TENM2: variants seen among roughly 807,000 people sequenced by gnomAD.
TENM2 encodes the protein teneurin transmembrane protein 2.
Under a neutral mutation model 245.2 loss-of-function variants are expected in TENM2, and 52 were observed. The observed-to-expected ratio is 0.21, with a 90% CI of 0.17 to 0.27. The LOEUF (loss-of-function observed/expected upper bound fraction) is 0.27, where lower values mean the gene tolerates loss of function less well. TENM2 is among the 10% of genes least tolerant of loss of function. TENM2 has a pLI of 1.00. For missense variants in TENM2, 3,046 were observed against 3,666.8 expected (o/e 0.83, Z 4.37); for synonymous variants, 1,363 against 1,438.9 (o/e 0.95, Z 1.19).
chr5:167,653,489 C>G (rs1210734836), intron 2 of TENM2: 1 of 152,160 alleles, frequency 6.6e-6, no homozygotes, highest in East Asian at 1.9e-4. Flanking sequence ...CTTACTAATT[C>G]TAAATACTAT....
chr5:167,893,753 A>G (rs1233684386), intron 3 of TENM2, among the ~76,000 whole-genome samples: 4 of 152,102 alleles, frequency 2.6e-5, no homozygotes, highest in African/African-American at 9.7e-5. Context: ...TAGGACAATC[A>G]TTCAAGTATG....
chr5:167,746,710 A>AGAGAGAGAGAGAGCGAGCGAGC (rs761614775), intron 2 of TENM2, among the ~76,000 whole-genome samples: 2 of 144,862 alleles, frequency 1.4e-5, no homozygotes, highest in Non-Finnish European at 3.0e-5. Flanking sequence ...AGAGAGAGAG[A>AGAGAGAGAGAGAGCGAGCGAGC]GAGAGCTGGA....
At chr5:167,345,599 C>T (rs927597158) in intron 1 of TENM2, among the ~76,000 whole-genome samples, 2 of 152,100 alleles carry the variant, frequency 1.3e-5, no homozygotes, top group African/African-American at 2.4e-5. Context: ...ATACAGAAGT[C>T]GCTTTTGGTA....
chr5:167,827,338 T>G (rs1006820522), intron 2 of TENM2, among the ~76,000 whole-genome samples: 1 of 152,154 alleles, frequency 6.6e-6, no homozygotes, highest in Non-Finnish European at 1.5e-5. Context: ...TTATTGCAAC[T>G]AAATTTTAAT....
At chr5:167,569,767 C>T (rs932322259) in intron 2 of TENM2, among the ~76,000 whole-genome samples, 4 of 152,116 alleles carry the variant, frequency 2.6e-5, no homozygotes, top group African/African-American at 7.2e-5. Context: ...AATAGCTTTA[C>T]ATGGATTAGC....
chr5:167,732,102 T>A (rs1760481228), intron 2 of TENM2, among the ~76,000 whole-genome samples: 1 of 152,206 alleles, frequency 6.6e-6, no homozygotes, highest in African/African-American at 2.4e-5. Flanking sequence ...TTTTAAAACA[T>A]GCTTTGTGCT....
At chr5:167,616,978 T>G (rs1237109165) in intron 2 of TENM2, among the ~76,000 whole-genome samples, 2 of 152,162 alleles carry the variant, frequency 1.3e-5, no homozygotes, top group Non-Finnish European at 2.9e-5. Flanking sequence ...CTCTCCCTTG[T>G]GCCTATACAC....
intron 2 of TENM2, among the ~76,000 whole-genome samples, chr5:167,761,499 A>C (rs1361624043): frequency 6.6e-6 from 1 of 152,170 alleles, no homozygotes; most frequent in Non-Finnish European, 1.5e-5. Context: ...ATGGACTGCT[A>C]TTAGAAAAAA....
chr5:167,608,700 T>A (rs1582529891), intron 2 of TENM2, among the ~76,000 whole-genome samples: 1 of 152,260 alleles, frequency 6.6e-6, no homozygotes, highest in South Asian at 2.1e-4. Context: ...GACTAGAGCT[T>A]GTTGCTTCGT....
At chr5:167,114,349 C>T in the TENM2 span, among the ~76,000 whole-genome samples, 1 of 152,144 alleles carries the variant, frequency 6.6e-6, no homozygotes, top group Non-Finnish European at 1.5e-5. Flanking sequence ...GTGGATCTAA[C>T]CAGATTTTAA....
At chr5:168,051,021 G>T (rs1369258073) in intron 6 of TENM2, among the ~76,000 whole-genome samples, 1 of 152,128 alleles carries the variant, frequency 6.6e-6, no homozygotes, top group Non-Finnish European at 1.5e-5. Context: ...CTGTAGATCT[G>T]GGATTAGATA....
At chr5:167,997,603 G>A (rs759593748) in intron 5 of TENM2, among the ~76,000 whole-genome samples, 5 of 152,112 alleles carry the variant, frequency 3.3e-5, no homozygotes, top group Non-Finnish European at 5.9e-5. Flanking sequence ...AGCCATAGAC[G>A]GTGTGTAAAT....
At chr5:168,154,745 T>C (rs1223036649) in intron 12 of TENM2, among the ~76,000 whole-genome samples, 1 of 152,144 alleles carries the variant, frequency 6.6e-6, no homozygotes, top group Non-Finnish European at 1.5e-5. Flanking sequence ...TCTATTGCTG[T>C]TGGGGTTGTG....
chr5:167,463,211 T>G lies in TENM2; in HGVS notation c.502+87738T>G, dbSNP rs563910008. On this transcript the variant is annotated intron_variant, in intron 2 of 28. Coordinates refer to ENST00000518659, the Ensembl canonical transcript of TENM2. ...ATAATTCTGTCTTTTTCAGTATCAGTGTCATAAATTGCCAATATAACCATG... is the reference window on the plus strand; with the variant it reads ...ATAATTCTGTCTTTTTCAGTATCAGGGTCATAAATTGCCAATATAACCATG... Among the ~76,000 whole-genome samples the G allele has an allele frequency of 2.6e-5, 4 of 152,312 alleles. No homozygotes were observed. In the South Asian group the frequency reaches 8.3e-4, roughly 32 times the overall value.
the TENM2 span, among the ~76,000 whole-genome samples, chr5:167,236,247 C>T: frequency 6.6e-6 from 1 of 152,074 alleles, no homozygotes; most frequent in Non-Finnish European, 1.5e-5. Context: ...AAGCATAATG[C>T]CTAATATATA....
chr5:167,600,463 C>T lies in TENM2; in HGVS notation c.502+224990C>T, dbSNP rs544144377. 7.1e-4 allele frequency among the ~76,000 whole-genome samples: 108 copies of T among 152,138 alleles called. 1 individual carries two copies. The highest frequency in any genetic ancestry group is 3.5e-3 in the South Asian group (17 of 4,810). The stretch of plus-strand genomic sequence containing the variant: ...AGAGAGTTTTAACATCCCCCATTGC[C>T]TTGTAGTTTTTCTTTTCCTGAAAAT... On this transcript the variant is annotated intron_variant, in intron 2 of 28. Coordinates refer to ENST00000518659, the Ensembl canonical transcript of TENM2.
the TENM2 span, among the ~76,000 whole-genome samples, chr5:167,189,688 C>T: frequency 6.6e-6 from 1 of 151,990 alleles, no homozygotes; most frequent in Non-Finnish European, 1.5e-5. Context: ...CCCACCCCAG[C>T]CTCCTGAGTA....
At chr5:167,005,983 A>G in the TENM2 span, among the ~76,000 whole-genome samples, 12 of 151,912 alleles carry the variant, frequency 7.9e-5, no homozygotes, top group African/African-American at 2.9e-4. Flanking sequence ...TAACTGCTGA[A>G]GTCTTGAAGT....
chr5:167,858,725 G>A (rs1242394304), intron 2 of TENM2, among the ~76,000 whole-genome samples: 3 of 150,986 alleles, frequency 2.0e-5, no homozygotes, highest in South Asian at 2.1e-4. Context: ...TGCCGCGACC[G>A]ACCGCAGCCG....
Sources: allele counts gnomAD v4.1 joint callset (sites outside exome capture counted in the v4.1 genomes callset), GRCh38; gene constraint gnomAD v4.1.1; transcripts MANE v1.5; gene names NCBI Gene and HGNC (gene_info 2026-07-23, HGNC 2026-07-21).